The following CR2 variants were observed in gnomAD, a reference collection of about 807,000 sequenced individuals.
CR2 encodes complement receptor type 2.
CR2 carries 96 observed loss-of-function variants against 123.0 expected under a neutral mutation model. That is an observed-to-expected ratio of 0.78 (90% CI 0.66 to 0.93). The LOEUF is 0.93. Among genes scored for constraint, CR2 ranks in the 40% least tolerant of loss-of-function variants. The pLI, the probability that CR2 is intolerant of heterozygous loss-of-function variation, is 0.00. For synonymous variants in CR2, 484 were observed against 469.5 expected (o/e 1.03, Z -0.40); for missense variants, 1,258 against 1,361.0 (o/e 0.92, Z 1.19).
At chr1:207,485,425 G>T in intron 18 of CR2, 39 bp from the exon 19 acceptor site, 2 of 1,265,750 alleles carry the variant, frequency 1.6e-6, no homozygotes, top group South Asian at 2.4e-5. Flanking sequence ...CATGGTCAAT[G>T]AGTAAAGATA....
At chr1:207,477,210 A>T (rs1020916830) in intron 15 of CR2, among the ~76,000 whole-genome samples, 2 of 152,234 alleles carry the variant, frequency 1.3e-5, no homozygotes, top group Non-Finnish European at 2.9e-5. Flanking sequence ...GAAGCCTCAC[A>T]ATCATGGCAG....
At chr1:207,487,902 G>A (rs140089198) in intron 19 of CR2, among the ~76,000 whole-genome samples, 6 of 152,328 alleles carry the variant, frequency 3.9e-5, no homozygotes, top group East Asian at 3.9e-4. Context: ...GTTCTCTTCC[G>A]ATGATTCAGT....
At chr1:207,471,218 C>G in intron 8 of CR2, 131 bp downstream of exon 8, 1 of 988,710 alleles carries the variant, frequency 1.0e-6, no homozygotes, top group Non-Finnish European at 1.6e-6. Flanking sequence ...GCTTGCCTGT[C>G]ACATGGTCAT....
At chr1:207,486,181 AGACTGCGCCACTGTACCCCAGCCTG>A (rs1658742592) in intron 19 of CR2, among the ~76,000 whole-genome samples, 1 of 146,816 alleles carries the variant, frequency 6.8e-6, no homozygotes, top group African/African-American at 2.6e-5. Context: ...CAGTGAGCCA[AGACTGCGCCACTGTACCCCAGCCTG>A]GACAACAGAG....
chr1:207,459,810 G>C (rs1376000441), intron 1 of CR2, among the ~76,000 whole-genome samples: 1 of 152,152 alleles, frequency 6.6e-6, no homozygotes, highest in Non-Finnish European at 1.5e-5. Flanking sequence ...TCCCTTTTCT[G>C]ATATGATCTG....
chr1:207,460,455 G>A (rs944829727), intron 1 of CR2, among the ~76,000 whole-genome samples: 6 of 152,114 alleles, frequency 3.9e-5, no homozygotes, highest in Admixed American at 2.0e-4. Context: ...GTTCATCCAT[G>A]TTTATACTTT....
chr1:207,486,846 G>A (rs1658763629), intron 19 of CR2, among the ~76,000 whole-genome samples: 1 of 152,192 alleles, frequency 6.6e-6, no homozygotes, highest in African/African-American at 2.4e-5. Flanking sequence ...ATTGCAAAGA[G>A]CAGGACTGGG....
In CR2 at chr1:207,470,949, C is replaced by A. The variant is rs778039241; in HGVS notation, c.1402+33C>A. On this transcript the variant is annotated intron_variant, in intron 7 of 19. Transcript: ENST00000367057. Reference sequence around the variant, plus strand: ...GCCTCAAATGTAGACATTTTGTTAACTTTAAGATTGCCTTGAATTAAATTC... The same window carrying A: ...GCCTCAAATGTAGACATTTTGTTAAATTTAAGATTGCCTTGAATTAAATTC... 9 of 1,613,704 alleles carry A rather than the reference C, an allele frequency of 5.6e-6. No individual in the cohort carries two copies. In the Admixed American group the frequency reaches 1.0e-4, roughly 18 times the overall value.
chr1:207,468,569 G>T lies in CR2; in HGVS notation c.488G>T (p.Gly163Val). 1 of 1,613,944 alleles carries T rather than the reference G, an allele frequency of 6.2e-7. No homozygotes were observed. The highest frequency in any genetic ancestry group is 1.1e-5 in the South Asian group (1 of 91,078). ...CCAGCACTTCCTATGATCCACAATG[G>T]ACATCACACAAGTGAGAATGTTGGC... The part of the protein sequence containing the change: ...ECPALPMIHN[G>V]HHTSENVGSI... The change falls in exon 3 of 20, where the codon GGA (glycine) becomes GTA (valine). Residue 163 changes from glycine (G) to valine (V), a missense_variant. Transcript: ENST00000367057.
chr1:207,466,428 G>T, intron 1 of CR2, 98 bp from the exon 2 acceptor site: 1 of 1,407,156 alleles, frequency 7.1e-7, no homozygotes. Flanking sequence ...GTCTGTTTCT[G>T]AAAAAGTTAT....
At chr1:207,479,628 A>G (rs1452621271) in intron 17 of CR2, among the ~76,000 whole-genome samples, 2 of 152,228 alleles carry the variant, frequency 1.3e-5, no homozygotes, top group Admixed American at 1.3e-4. Flanking sequence ...CAAAATTATA[A>G]GAACCTGGTG....
At position 207,466,935 on chromosome 1, in the gene CR2, G is replaced by A. The variant is rs757757094; in HGVS notation, c.445+23G>A. 17 of 1,558,114 alleles carry A rather than the reference G, an allele frequency of 1.1e-5. No individual in the cohort carries two copies. The East Asian group carries it at 2.5e-4, about 23-fold the overall frequency. On this transcript the variant is annotated intron_variant, in intron 2 of 19. Coordinates refer to ENST00000367057, the MANE Select transcript of CR2 (RefSeq NM_001006658.3). ...GTGGTGAGTATGAAAAGAAAGCTGG[G>A]TTGGGAGGTTGGGGTCTTGCCTTTC...
chr1:207,481,854 T>C (rs1432661171), intron 18 of CR2, among the ~76,000 whole-genome samples: 1 of 152,074 alleles, frequency 6.6e-6, no homozygotes, highest in Non-Finnish European at 1.5e-5. Context: ...TATACAGTCA[T>C]TAATTCTAAT....
chr1:207,468,700 C>G lies in CR2; in HGVS notation c.619C>G (p.Pro207Ala). Reference sequence around the variant, plus strand: ...GTCTTCGGGAAAATGGAGTGCTGTCCCCCCCACATGTGAAGGTACCCTAAA... The same window carrying G: ...GTCTTCGGGAAAATGGAGTGCTGTCGCCCCCACATGTGAAGGTACCCTAAA... ...CLSSGKWSAV[P>A]PTCEEARCKS... Residue 207 changes from proline (P) to alanine (A), a missense_variant, in exon 3 of 20, where the codon CCC becomes GCC. Pro to Ala is a conservative substitution (Grantham distance 27). Coordinates refer to ENST00000367057, the MANE Select transcript of CR2 (RefSeq NM_001006658.3). 1 of 1,613,858 alleles carries G rather than the reference C, an allele frequency of 6.2e-7. No individual in the cohort carries two copies. Among genetic ancestry groups the G allele is most frequent in the Admixed American group, 1.7e-5 (1 of 59,984 alleles).
At chr1:207,463,931 C>CA (rs1173973020) in intron 1 of CR2, among the ~76,000 whole-genome samples, 1 of 152,138 alleles carries the variant, frequency 6.6e-6, no homozygotes, top group Non-Finnish European at 1.5e-5. Flanking sequence ...GGAGGGTTTA[C>CA]ACTTGGTTTG....
At position 207,468,880 on chromosome 1, in the gene CR2, A is replaced by G; in HGVS notation, c.715A>G (p.Asn239Asp). 1 of 1,613,978 alleles carries G rather than the reference A, an allele frequency of 6.2e-7. No homozygotes were observed. Among genetic ancestry groups the G allele is most frequent in the Non-Finnish European group, 8.5e-7 (1 of 1,179,918 alleles). ...PPILRVGVTA[N>D]FFCDEGYRLQ... ...AATTCTCCGGGTTGGTGTAACTGCA[A>G]ACTTTTTCTGTGATGAAGGGTGAGT... Residue 239 changes from asparagine to aspartate, a missense_variant, in exon 4 of 20, where the codon AAC becomes GAC. Transcript: ENST00000367057.
intron 9 of CR2, 107 bp from the exon 10 acceptor site, chr1:207,472,665 T>A: frequency 5.2e-6 from 6 of 1,152,842 alleles, no homozygotes; most frequent in Non-Finnish European, 7.6e-6. Flanking sequence ...AATGTACCCA[T>A]ACCGTCCAGG....
At position 207,483,617 on chromosome 1, in the gene CR2, A is replaced by G. The variant is rs190650031; in HGVS notation, c.3189-1847A>G. ...AATATTTAATAAGAGGTTTTTTGCT[A>G]TCAAGAGGACAGGATTTCCAGGACT... On this transcript the variant is annotated intron_variant, in intron 18 of 19. Coordinates refer to ENST00000367057, the MANE Select transcript of CR2 (RefSeq NM_001006658.3). Among the ~76,000 whole-genome samples the G allele has an allele frequency of 2.0e-4, 31 of 152,040 alleles. No homozygotes were observed. In the South Asian group the frequency reaches 4.0e-3, roughly 19 times the overall value.
chr1:207,480,365 T>A (rs1658571384), intron 18 of CR2, among the ~76,000 whole-genome samples: 2 of 152,198 alleles, frequency 1.3e-5, no homozygotes, highest in Non-Finnish European at 2.9e-5. Context: ...TTTCGTATAT[T>A]TTTTCTCTCT....
Sources: gnomAD v4.1 joint callset for allele counts (sites outside exome capture counted in the v4.1 genomes callset) on GRCh38, gnomAD v4.1.1 for gene constraint, MANE v1.5 for transcripts, NCBI Gene and HGNC (gene_info 2026-07-23, HGNC 2026-07-21) for gene names.